MAU2: variants seen among roughly 807,000 people sequenced by gnomAD.
MAU2 encodes MAU2 chromatid cohesion factor homolog.
Under a neutral mutation model 89.1 loss-of-function variants are expected in MAU2, and 9 were observed. That is an observed-to-expected ratio of 0.10 (90% CI 0.06 to 0.18). The LOEUF is 0.18. Among genes scored for constraint, MAU2 ranks in the 10% least tolerant of loss-of-function variants. MAU2 has a pLI of 1.00. For missense variants in MAU2, 425 were observed against 803.5 expected (o/e 0.53, Z 5.69); for synonymous variants, 357 against 343.4 (o/e 1.04, Z -0.44).
chr19:19,339,269 G>A (rs898501101), intron 5 of MAU2, among the ~76,000 whole-genome samples: 14 of 152,142 alleles, frequency 9.2e-5, no homozygotes, highest in Admixed American at 4.6e-4. Flanking sequence ...CCAACATGGT[G>A]AAACCTGTTT....
At chr19:19,328,573 C>G (rs970294177) in intron 1 of MAU2, among the ~76,000 whole-genome samples, 7 of 152,102 alleles carry the variant, frequency 4.6e-5, no homozygotes, top group Non-Finnish European at 8.8e-5. Flanking sequence ...AGGCGCCCAC[C>G]ACCATGCCCG....
At chr19:19,329,252 C>T (rs1363920273) in intron 1 of MAU2, among the ~76,000 whole-genome samples, 2 of 148,076 alleles carry the variant, frequency 1.4e-5, no homozygotes, top group Non-Finnish European at 3.0e-5. Flanking sequence ...CAGAGCTGGC[C>T]GTTACGCAGT....
intron 16 of MAU2, among the ~76,000 whole-genome samples, chr19:19,350,629 G>GCA (rs2061735444): frequency 6.6e-6 from 1 of 150,604 alleles, no homozygotes; most frequent in South Asian, 2.1e-4. Flanking sequence ...GGCCGGGCAT[G>GCA]GTGGCTCACG....
At chr19:19,347,600 T>C (rs754055706) in intron 13 of MAU2, 1 of 493,388 alleles carries the variant, frequency 2.0e-6, no homozygotes, top group Non-Finnish European at 3.7e-6. Context: ...ACACTTCTCT[T>C]TATCACAAAC....
At chr19:19,351,317 GATTACAGC>G (rs966208645) in intron 16 of MAU2, among the ~76,000 whole-genome samples, 2 of 151,200 alleles carry the variant, frequency 1.3e-5, no homozygotes, top group African/African-American at 4.9e-5. Context: ...CAAAGTGCTA[GATTACAGC>G]ATGACCCACT....
intron 6 of MAU2, 59 bp from the exon 7 acceptor site, chr19:19,341,193 C>G: frequency 6.4e-7 from 1 of 1,556,868 alleles, no homozygotes; most frequent in Non-Finnish European, 8.7e-7. Flanking sequence ...CCTGTGCTCC[C>G]GGTCCTGGGA....
At chr19:19,328,849 TA>T (rs1255222380) in intron 1 of MAU2, among the ~76,000 whole-genome samples, 1 of 152,174 alleles carries the variant, frequency 6.6e-6, no homozygotes, top group South Asian at 2.1e-4. Context: ...TGGAAGAACT[TA>T]CTATTTTCTA....
At chr19:19,336,087 G>A (rs576629396) in intron 2 of MAU2, 35 bp from the exon 3 acceptor site, 11 of 1,542,998 alleles carry the variant, frequency 7.1e-6, no homozygotes, top group Middle Eastern at 1.7e-4. Context: ...GACCTTTTTC[G>A]CAGTGTCTGT....
rs1445351719 is a variant in MAU2, at chr19:19,337,283, G to T, written c.456+18G>T. On this transcript the variant is annotated intron_variant, in intron 4 of 18. Coordinates refer to ENST00000262815, the MANE Select transcript of MAU2 (RefSeq NM_015329.4). ...AGCTCGCTGTGAGTACCGCGGCCCG[G>T]GAACGAGGGTGCCCGGCAGGGACCA... 5 of 1,604,130 alleles carry T rather than the reference G, an allele frequency of 3.1e-6. No individual in the cohort carries two copies. The Admixed American group carries it at 5.0e-5, about 16-fold the overall frequency.
At chr19:19,342,945 G>A in intron 9 of MAU2, 79 bp downstream of exon 9, 3 of 1,479,534 alleles carry the variant, frequency 2.0e-6, no homozygotes, top group Non-Finnish European at 1.9e-6. Context: ...CTGTACCAGG[G>A]CCCAGTGACC....
At position 19,355,410 on chromosome 19, in the gene MAU2, G is replaced by A; in HGVS notation, c.1767+19G>A. 1 of 1,613,316 alleles carries A rather than the reference G, an allele frequency of 6.2e-7. No homozygotes were observed. Among genetic ancestry groups the A allele is most frequent in the East Asian group, 2.2e-5 (1 of 44,874 alleles). On this transcript the variant is annotated intron_variant, in intron 18 of 18. Coordinates refer to ENST00000262815, the MANE Select transcript of MAU2 (RefSeq NM_015329.4). Reference sequence around the variant, plus strand: ...CATCACGGTACGGGTGTGGGTGTTAGGGGACGGGATCAGGACTAGCGGGCT... The same window carrying A: ...CATCACGGTACGGGTGTGGGTGTTAAGGGACGGGATCAGGACTAGCGGGCT...
chr19:19,329,418 A>G (rs912451531), intron 1 of MAU2, among the ~76,000 whole-genome samples: 1 of 151,998 alleles, frequency 6.6e-6, no homozygotes, highest in South Asian at 2.1e-4. Flanking sequence ...CGGTTCTTCT[A>G]CTTCCTGATT....
chr19:19,352,183 CT>C (rs902264291), intron 16 of MAU2: 108 of 145,486 alleles, frequency 7.4e-4, no homozygotes, highest in East Asian at 4.0e-3. Flanking sequence ...GTATTGGAAG[CT>C]TTTTTTTTTT....
chr19:19,339,477 G>A (rs974150921), intron 5 of MAU2, among the ~76,000 whole-genome samples: 3 of 150,660 alleles, frequency 2.0e-5, no homozygotes, highest in Admixed American at 6.6e-5. Flanking sequence ...CATGAGGCGC[G>A]GGTTTGAGCC....
Position 19,355,847 on chromosome 19 carries a change from T to G in MAU2, c.*65T>G. 7.0e-7 allele frequency: 1 copy of G among 1,434,180 alleles called. No homozygotes were observed. 88.8% of individuals were successfully genotyped at this position (1,434,180 alleles called of 1,614,324 possible). A position where few individuals can be genotyped will look rare whatever the true frequency, so the allele number is the denominator to read the frequency against. ...TCTCCGGCTTCCACCCAGACGGCACTCAAGCCTGCCCCCGAGGCGTGCTTC... is the reference window on the plus strand; with the variant it reads ...TCTCCGGCTTCCACCCAGACGGCACGCAAGCCTGCCCCCGAGGCGTGCTTC... On this transcript the variant is annotated 3_prime_UTR_variant, in exon 19 of 19. Coordinates refer to ENST00000262815, the MANE Select transcript of MAU2 (RefSeq NM_015329.4).
chr19:19,338,499 T>C (rs1045204448), intron 4 of MAU2, among the ~76,000 whole-genome samples: 1 of 152,208 alleles, frequency 6.6e-6, no homozygotes, highest in Non-Finnish European at 1.5e-5. Context: ...GACACCCCAC[T>C]GAAGACAGAC....
chr19:19,339,441 G>A (rs1002109757), intron 5 of MAU2, among the ~76,000 whole-genome samples: 3 of 149,144 alleles, frequency 2.0e-5, no homozygotes, highest in Admixed American at 6.6e-5. Context: ...GCGAGACTCC[G>A]TCTCAAAAAA....
In MAU2 at chr19:19,345,451, C is replaced by A; in HGVS notation, c.1221+82C>A. The A allele has an allele frequency of 7.3e-7, 1 of 1,361,094 alleles. No homozygotes were observed. The highest frequency in any genetic ancestry group is 1.0e-6 in the Non-Finnish European group (1 of 960,886). The allele number at this position is 1,361,094 out of a possible 1,614,324, so 84.3% of individuals were successfully genotyped here. A position where few individuals can be genotyped will look rare whatever the true frequency, so the allele number is the denominator to read the frequency against. ...CGGGCGTGGTCTGTGATGAGGACAGCAGTCGCGCTAGGTCAGCTATGCAAA... is the reference window on the plus strand; with the variant it reads ...CGGGCGTGGTCTGTGATGAGGACAGAAGTCGCGCTAGGTCAGCTATGCAAA... On this transcript the variant is annotated intron_variant, in intron 12 of 18. Transcript: ENST00000262815. This position sits in a 1 kb window ranked among gnomAD's most constrained non-coding sequence, Gnocchi z 4.9.
intron 16 of MAU2, among the ~76,000 whole-genome samples, chr19:19,349,848 C>G (rs891033729): frequency 6.6e-6 from 1 of 152,194 alleles, no homozygotes; most frequent in Non-Finnish European, 1.5e-5. Context: ...AGTGTCCTCT[C>G]AGGGTACAAG....
Sources: gnomAD v4.1 joint callset for allele counts (sites outside exome capture counted in the v4.1 genomes callset) on GRCh38, gnomAD v4.1.1 for gene constraint, Gnocchi (gnomAD v3.1) non-coding constraint, MANE v1.5 for transcripts, NCBI Gene and HGNC (gene_info 2026-07-23, HGNC 2026-07-21) for gene names.